Variants in KLHL14 observed in about 807,000 individuals in gnomAD.
The protein encoded by KLHL14 is kelch like family member 14.
Under a neutral mutation model 64.3 loss-of-function variants are expected in KLHL14, and 22 were observed. That is an observed-to-expected ratio of 0.34 (90% confidence interval 0.24 to 0.49). KLHL14 has a LOEUF of 0.49. Among genes scored for constraint, KLHL14 ranks in the 20% least tolerant of loss-of-function variants. KLHL14 has a pLI of 0.99. For missense variants in KLHL14, 661 were observed against 789.0 expected (o/e 0.84, Z 1.94); for synonymous variants, 322 against 333.4 (o/e 0.97, Z 0.37).
rs190387523 is a variant in KLHL14 at position 32,682,411 on chromosome 18, C to T, written c.1239-1812G>A. ...AAGTAGGAATAAAATAAAGAGAAGACGAGTCAGATTTCATAAAGTAAAGAC... is the reference window on the plus strand; with the variant it reads ...AAGTAGGAATAAAATAAAGAGAAGATGAGTCAGATTTCATAAAGTAAAGAC... On this transcript the variant is annotated intron_variant, in intron 5 of 8. Coordinates refer to ENST00000359358, the MANE Select transcript of KLHL14 (RefSeq NM_020805.3). Among the ~76,000 whole-genome samples the T allele has an allele frequency of 4.6e-5, 7 of 152,086 alleles. No homozygotes were observed. The East Asian group carries it at 5.8e-4, about 13-fold the overall frequency.
intron 5 of KLHL14, among the ~76,000 whole-genome samples, chr18:32,686,574 T>C (rs2049880258): frequency 6.6e-6 from 1 of 152,184 alleles, no homozygotes; most frequent in Non-Finnish European, 1.5e-5. Flanking sequence ...AAGACTAATT[T>C]TTTTTAAAGC....
At chr18:32,703,320 C>T (rs1412329472) in intron 3 of KLHL14, among the ~76,000 whole-genome samples, 1 of 151,986 alleles carries the variant, frequency 6.6e-6, no homozygotes, top group Non-Finnish European at 1.5e-5. Flanking sequence ...AGCTAAGAGA[C>T]TATGGAATTT....
At chr18:32,679,079 G>T (rs1451735635) in intron 7 of KLHL14, among the ~76,000 whole-genome samples, 1 of 152,154 alleles carries the variant, frequency 6.6e-6, no homozygotes, top group Non-Finnish European at 1.5e-5. Flanking sequence ...AAGCATCACA[G>T]TAGTAAAGAA....
At chr18:32,727,811 G>A (rs904203529) in intron 3 of KLHL14, among the ~76,000 whole-genome samples, 2 of 152,156 alleles carry the variant, frequency 1.3e-5, no homozygotes, top group Admixed American at 1.3e-4. Context: ...AAAGATCTGA[G>A]ATTTACCAGT....
intron 3 of KLHL14, among the ~76,000 whole-genome samples, chr18:32,729,136 T>C (rs1285432277): frequency 6.6e-6 from 1 of 152,164 alleles, no homozygotes; most frequent in Non-Finnish European, 1.5e-5. Flanking sequence ...GAAATCTCAG[T>C]ACCTAGAATG....
intron 3 of KLHL14, among the ~76,000 whole-genome samples, chr18:32,702,877 T>C (rs1006438379): frequency 5.3e-5 from 8 of 152,302 alleles, no homozygotes; most frequent in African/African-American, 1.7e-4. Context: ...GAGATGAAGT[T>C]ATTTAAGTGA....
chr18:32,703,237 C>G (rs144112053), intron 3 of KLHL14, among the ~76,000 whole-genome samples: 1 of 152,258 alleles, frequency 6.6e-6, no homozygotes, highest in Non-Finnish European at 1.5e-5. Context: ...AGCATTTAGG[C>G]ATAACATAGT....
chr18:32,702,399 T>C (rs531797214), intron 3 of KLHL14, among the ~76,000 whole-genome samples: 3 of 151,236 alleles, frequency 2.0e-5, no homozygotes, highest in Admixed American at 6.6e-5. Context: ...TTGAGAAACA[T>C]AAATGTTTTA....
chr18:32,691,606 C>T (rs966157080), intron 4 of KLHL14, among the ~76,000 whole-genome samples: 6 of 151,958 alleles, frequency 3.9e-5, no homozygotes, highest in Non-Finnish European at 5.9e-5. Context: ...GGAAGGAAGG[C>T]GTTCTGGAGG....
At chr18:32,690,046 G>A (rs563777504) in intron 4 of KLHL14, among the ~76,000 whole-genome samples, 1 of 152,254 alleles carries the variant, frequency 6.6e-6, no homozygotes, top group South Asian at 2.1e-4. Flanking sequence ...AGGGAAGAGA[G>A]TTAGGTTTAA....
chr18:32,684,254 A>G (rs1029935681), intron 5 of KLHL14, among the ~76,000 whole-genome samples: 1 of 152,256 alleles, frequency 6.6e-6, no homozygotes, highest in Middle Eastern at 3.2e-3. Flanking sequence ...TTCTGTCAGT[A>G]AATTCATAGC....
At chr18:32,738,778 A>G (rs2050179769) in intron 3 of KLHL14, 1 of 152,134 alleles carries the variant, frequency 6.6e-6, no homozygotes, top group South Asian at 2.1e-4. Flanking sequence ...TTCGTGTTAT[A>G]TAGACCCACT....
At chr18:32,723,946 A>G (rs1391891799) in intron 3 of KLHL14, among the ~76,000 whole-genome samples, 1 of 152,220 alleles carries the variant, frequency 6.6e-6, no homozygotes, top group Non-Finnish European at 1.5e-5. Flanking sequence ...TTATTTGCAA[A>G]CAAGGAGTTA....
chr18:32,764,961 A>T (rs2144192760), intron 2 of KLHL14, among the ~76,000 whole-genome samples: 1 of 152,268 alleles, frequency 6.6e-6, no homozygotes, highest in Admixed American at 6.5e-5. Context: ...AAGTCTACAT[A>T]TAACTCTTCA....
intron 3 of KLHL14, among the ~76,000 whole-genome samples, chr18:32,739,172 C>A (rs1195462836): frequency 6.6e-6 from 1 of 152,102 alleles, no homozygotes; most frequent in Non-Finnish European, 1.5e-5. Flanking sequence ...CTGTCTCCTA[C>A]CTTTAACTGT....
intron 3 of KLHL14, among the ~76,000 whole-genome samples, chr18:32,704,931 C>A (rs761294784): frequency 3.3e-5 from 5 of 152,060 alleles, no homozygotes; most frequent in Non-Finnish European, 5.9e-5. Context: ...GGTAGAAGAG[C>A]AATAGATGCT....
At chr18:32,724,938 G>T (rs73411244) in intron 3 of KLHL14, among the ~76,000 whole-genome samples, 4,237 of 152,094 alleles carry the variant, frequency 0.028, 210 homozygotes, top group African/African-American at 0.097. Flanking sequence ...TTGACACAAT[G>T]CTGGACACAT....
chr18:32,747,618 C>T (rs545563561), intron 2 of KLHL14, among the ~76,000 whole-genome samples: 1 of 152,156 alleles, frequency 6.6e-6, no homozygotes, highest in Admixed American at 6.5e-5. Flanking sequence ...TAAATACAAA[C>T]GAAGCTTCAC....
intron 5 of KLHL14, among the ~76,000 whole-genome samples, chr18:32,685,945 T>A (rs916828232): frequency 6.6e-6 from 1 of 152,068 alleles, no homozygotes; most frequent in Admixed American, 6.6e-5. Context: ...AAGAGAGATA[T>A]TCAGGTGAGA....
Sources: allele counts gnomAD v4.1 joint callset (sites outside exome capture counted in the v4.1 genomes callset), GRCh38; gene constraint gnomAD v4.1.1; transcripts MANE v1.5; gene names NCBI Gene and HGNC (gene_info 2026-07-23, HGNC 2026-07-21).